WDR27: variants seen among roughly 807,000 people sequenced by gnomAD.
WDR27 encodes the protein WD repeat-containing protein 27.
In WDR27, 100 loss-of-function variants were observed where a neutral mutation model predicts 114.4. The observed-to-expected ratio is 0.87, with a 90% CI of 0.74 to 1.03. The LOEUF is 1.03. Among genes scored for constraint, WDR27 ranks in the 50% least tolerant of loss-of-function variants. WDR27 has a pLI of 0.00. For missense variants in WDR27, 1,129 were observed against 1,092.9 expected, an observed-to-expected ratio of 1.03 and a Z score of -0.47; for synonymous variants, 449 against 423.1, an observed-to-expected ratio of 1.06 and a Z score of -0.75.
At position 169,457,529 on chromosome 6, in the gene WDR27, C is replaced by T. The variant is rs766033407; in HGVS notation, c.*63G>A. On this transcript the variant is annotated 3_prime_UTR_variant, in exon 26 of 26. Coordinates refer to ENST00000448612, the MANE Select transcript of WDR27 (RefSeq NM_182552.5). ...CCCCCTGATGGATGAACCACTACTT[C>T]TTACTTTTAAGTTGTTCCTCACAGC... 20 of 1,429,048 alleles carry T rather than the reference C, an allele frequency of 1.4e-5. No individual in the cohort carries two copies. Among genetic ancestry groups the T allele is most frequent in the Non-Finnish European group, 1.7e-5 (18 of 1,057,834 alleles). The allele number at this position is 1,429,048 out of a possible 1,614,324, so 88.5% of individuals were successfully genotyped here.
At chr6:169,667,226 C>A in intron 5 of WDR27, 39 bp from the exon 6 acceptor site, 3 of 1,455,098 alleles carry the variant, frequency 2.1e-6, no homozygotes, top group Non-Finnish European at 1.8e-6. Flanking sequence ...GAGGTAACAA[C>A]GTTGCCATTA....
At chr6:169,634,208 C>T (rs1054026489) in intron 20 of WDR27, among the ~76,000 whole-genome samples, 8 of 152,254 alleles carry the variant, frequency 5.3e-5, no homozygotes, top group Middle Eastern at 3.4e-3. Context: ...ATGAGCTGTA[C>T]GGCACTCAGG....
At chr6:169,601,187 C>G (rs1807909877) in intron 23 of WDR27, among the ~76,000 whole-genome samples, 1 of 152,222 alleles carries the variant, frequency 6.6e-6, no homozygotes, top group South Asian at 2.1e-4. Flanking sequence ...AATTTTCAAC[C>G]CAGAATTTCA....
At chr6:169,458,661 C>A (rs1185990437) in intron 25 of WDR27, among the ~76,000 whole-genome samples, 1 of 151,900 alleles carries the variant, frequency 6.6e-6, no homozygotes, top group Non-Finnish European at 1.5e-5. Flanking sequence ...GTGGCAGGCA[C>A]CTGTAATCCC....
At chr6:169,696,135 A>G (rs1785875806) in intron 1 of WDR27, among the ~76,000 whole-genome samples, 1 of 152,252 alleles carries the variant, frequency 6.6e-6, no homozygotes, top group Non-Finnish European at 1.5e-5. Flanking sequence ...TAACAAACGA[A>G]TACAAGTGCC....
chr6:169,643,872 C>A, intron 16 of WDR27, 86 bp from the exon 17 acceptor site: 1 of 1,044,806 alleles, frequency 9.6e-7, no homozygotes, highest in South Asian at 1.6e-5. Context: ...TCACAGGAGT[C>A]ACACTGTAGA....
rs779674350 is a variant in WDR27 at position 169,602,244 on chromosome 6, G to A, written c.2399C>T (p.Ala800Val). ...GIAFSPCGRF[A>V]ACGAEDRHAY... The stretch of plus-strand genomic sequence containing the variant: ...GTGTCTGTCCTCGGCCCCACAAGCC[G>A]CGAATCGTCCACAAGGACTGAAAGC... The change falls in exon 23 of 26, where the codon GCG becomes GTG. Residue 800 changes from alanine to valine, a missense_variant. Transcript: ENST00000448612. 1.8e-5 allele frequency: 28 copies of A among 1,561,006 alleles called. No homozygotes were observed. Among genetic ancestry groups the A allele is most frequent in the African/African-American group, 8.1e-5 (6 of 73,654 alleles).
chr6:169,666,112 T>C (rs1052067692), intron 6 of WDR27, among the ~76,000 whole-genome samples: 8 of 152,218 alleles, frequency 5.3e-5, no homozygotes, highest in African/African-American at 1.9e-4. Flanking sequence ...TAAATGAATA[T>C]TGAAAAATAC....
intron 22 of WDR27, among the ~76,000 whole-genome samples, chr6:169,608,424 T>G (rs887861677): frequency 1.6e-4 from 24 of 152,152 alleles, no homozygotes; most frequent in African/African-American, 5.8e-4. Context: ...TAATTAAACT[T>G]ACAGTTGCAC....
intron 13 of WDR27, among the ~76,000 whole-genome samples, chr6:169,655,104 G>A (rs2128250205): frequency 6.6e-6 from 1 of 152,346 alleles, no homozygotes; most frequent in East Asian, 1.9e-4. Context: ...CCACGTTCCT[G>A]TCTTCGCTGT....
rs1022997935 is a variant in WDR27 at position 169,659,180 on chromosome 6, CAA to C, written c.1223_1224del (p.Phe408TrpfsTer55). 17 of 1,610,226 alleles carry C rather than the reference CAA, an allele frequency of 1.1e-5. No homozygotes were observed. The African/African-American group carries it at 2.3e-4, about 22-fold the overall frequency. On this transcript the variant is annotated frameshift_variant, in exon 12 of 26. Coordinates refer to ENST00000448612, the MANE Select transcript of WDR27 (RefSeq NM_182552.5). LOFTEE classifies it high-confidence loss of function. The surrounding 1 kb of genome is among the most constrained non-coding windows in gnomAD (Gnocchi z 4.3). ...ATCTCCAACACGGCAATCTTCCCGC[CAA>C]AGAGGGAGGCCAGCAAGCACAGCAC... ...QKVLCLLASL[F>X]GGKIAVLEIN...
chr6:169,427,320 T>G, the WDR27 span, among the ~76,000 whole-genome samples: 1 of 152,008 alleles, frequency 6.6e-6, no homozygotes, highest in Non-Finnish European at 1.5e-5. Context: ...GGATTTAGAG[T>G]GTGATGACTG....
chr6:169,484,269 C>T (rs536184010), intron 25 of WDR27, among the ~76,000 whole-genome samples: 1 of 152,138 alleles, frequency 6.6e-6, no homozygotes, highest in South Asian at 2.1e-4. Flanking sequence ...TCTATATCTA[C>T]AAAACCCTAT....
intron 21 of WDR27, among the ~76,000 whole-genome samples, chr6:169,632,724 C>G (rs1816723373): frequency 6.6e-6 from 1 of 152,136 alleles, no homozygotes; most frequent in Non-Finnish European, 1.5e-5. Context: ...AATATGGGCC[C>G]ATAAAATAAT....
intron 5 of WDR27, 65 bp from the exon 6 acceptor site, chr6:169,667,252 C>G (rs1030770990): frequency 1.7e-5 from 24 of 1,410,394 alleles, no homozygotes; most frequent in Non-Finnish European, 2.2e-5. Flanking sequence ...ACAGGTGAAG[C>G]TAACAGTACT....
the WDR27 span, among the ~76,000 whole-genome samples, chr6:169,439,265 C>CT: frequency 6.6e-6 from 1 of 152,152 alleles, no homozygotes; most frequent in Non-Finnish European, 1.5e-5. Flanking sequence ...TCTGATGGTT[C>CT]TTACTGTGAT....
chr6:169,686,553 G>C (rs984840021), intron 2 of WDR27, among the ~76,000 whole-genome samples: 2 of 152,096 alleles, frequency 1.3e-5, no homozygotes, highest in African/African-American at 4.8e-5. Context: ...TAGTCTTAAA[G>C]TGAAGGGATG....
At chr6:169,552,036 C>A (rs1336141821) in intron 25 of WDR27, among the ~76,000 whole-genome samples, 1 of 152,174 alleles carries the variant, frequency 6.6e-6, no homozygotes, top group African/African-American at 2.4e-5. Flanking sequence ...AAGCCGCATA[C>A]AAAGAAAGGC....
At chr6:169,521,780 C>A (rs1428214891) in intron 25 of WDR27, among the ~76,000 whole-genome samples, 1 of 151,530 alleles carries the variant, frequency 6.6e-6, no homozygotes, top group Non-Finnish European at 1.5e-5. Context: ...ATAGTAACCA[C>A]AATGCAAAAA....
Sources: gnomAD v4.1 joint callset for allele counts (sites outside exome capture counted in the v4.1 genomes callset) on GRCh38, gnomAD v4.1.1 for gene constraint, Gnocchi (gnomAD v3.1) non-coding constraint, MANE v1.5 for transcripts, NCBI Gene and HGNC (gene_info 2026-07-23, HGNC 2026-07-21) for gene names.